Variants in FBP2 observed in about 807,000 individuals in gnomAD.
FBP2 encodes fructose-bisphosphatase 2.
A neutral mutation model predicts 31.6 loss-of-function variants in FBP2; 27 were observed. The observed-to-expected ratio is 0.85, with a 90% CI of 0.63 to 1.18. The LOEUF is 1.18. Ranked by LOEUF, FBP2 falls within the 50% of genes most tolerant of loss-of-function variation. The probability of loss-of-function intolerance (pLI) is 0.00; values close to 1 mark genes in which losing one functional copy is unlikely to be tolerated. For missense variants in FBP2, 421 were observed against 436.1 expected, an observed-to-expected ratio of 0.97 and a Z score of 0.31; for synonymous variants, 168 against 179.8, an observed-to-expected ratio of 0.93 and a Z score of 0.53.
chr9:94,560,043 T>C (rs1827074026), intron 6 of FBP2, among the ~76,000 whole-genome samples: 1 of 152,206 alleles, frequency 6.6e-6, no homozygotes, highest in South Asian at 2.1e-4. Flanking sequence ...GAGGATCAAC[T>C]GAGCCCCGGA....
chr9:94,563,122 G>A (rs779501655), intron 6 of FBP2, among the ~76,000 whole-genome samples: 1 of 152,196 alleles, frequency 6.6e-6, no homozygotes, highest in Non-Finnish European at 1.5e-5. Context: ...TAAGACCAGT[G>A]AGAATCACCA....
At chr9:94,570,873 T>C (rs1248075774) in intron 4 of FBP2, 2 of 152,250 alleles carry the variant, frequency 1.3e-5, no homozygotes, top group Non-Finnish European at 2.9e-5. Context: ...CCATCTCCGC[T>C]GTCTGGAGTG....
chr9:94,568,967 G>A (rs1457810018), intron 4 of FBP2: 1 of 152,240 alleles, frequency 6.6e-6, no homozygotes, highest in South Asian at 2.1e-4. Context: ...AACACCCCAT[G>A]GTTCCTCTGC....
At chr9:94,567,578 A>G in intron 4 of FBP2, 171 bp from the exon 5 acceptor site, 2 of 675,186 alleles carry the variant, frequency 3.0e-6, no homozygotes, top group East Asian at 2.7e-5. Context: ...TGGGAAGAAT[A>G]GGGACCATAT....
chr9:94,585,566 A>T (rs921283955), intron 2 of FBP2, among the ~76,000 whole-genome samples: 3 of 152,142 alleles, frequency 2.0e-5, no homozygotes, highest in Admixed American at 6.5e-5. Context: ...GACAGACCTG[A>T]CTAGAATTAA....
Position 94,565,190 on chromosome 9 carries a change from A to G in FBP2, c.706-1729T>C, listed in dbSNP as rs139166288. On this transcript the variant is annotated intron_variant, in intron 5 of 6. Coordinates refer to ENST00000375337, the MANE Select transcript of FBP2 (RefSeq NM_003837.4). ...GGCGTTCAAGACCAGCCTGACCAAC[A>G]TGGTGAAATCCCATCTCTACTAAAA... 2.0e-3 allele frequency among the ~76,000 whole-genome samples: 306 copies of G among 152,240 alleles called. 1 individual carries two copies. Among genetic ancestry groups the G allele is most frequent in the African/African-American group, 7.1e-3 (295 of 41,548 alleles).
chr9:94,587,944 G>A (rs1827446922), intron 1 of FBP2, among the ~76,000 whole-genome samples: 3 of 152,278 alleles, frequency 2.0e-5, no homozygotes, highest in Admixed American at 2.0e-4. Context: ...CGCCTCCTGG[G>A]CTCACGCCGT....
intron 3 of FBP2, among the ~76,000 whole-genome samples, chr9:94,573,256 C>T (rs1417920062): frequency 6.6e-6 from 1 of 152,182 alleles, no homozygotes; most frequent in Non-Finnish European, 1.5e-5. Flanking sequence ...TTCTTGTTTT[C>T]TAAGACTTTC....
intron 5 of FBP2, 36 bp from the exon 6 acceptor site, chr9:94,563,497 G>C: frequency 6.2e-7 from 1 of 1,601,794 alleles, no homozygotes; most frequent in Non-Finnish European, 8.5e-7. Flanking sequence ...AGATCCAGTG[G>C]CTTTCAGGAT....
intron 1 of FBP2, among the ~76,000 whole-genome samples, chr9:94,589,427 T>C (rs1276790194): frequency 6.6e-6 from 1 of 152,154 alleles, no homozygotes; most frequent in Non-Finnish European, 1.5e-5. Context: ...CCCTCCTCAG[T>C]GTTCACCACA....
At chr9:94,561,176 C>T (rs1827093390) in intron 6 of FBP2, among the ~76,000 whole-genome samples, 1 of 152,054 alleles carries the variant, frequency 6.6e-6, no homozygotes, top group African/African-American at 2.4e-5. Flanking sequence ...ATCAATTATC[C>T]TGTTGAGTCA....
intron 3 of FBP2, among the ~76,000 whole-genome samples, chr9:94,581,403 A>G (rs2131456358): frequency 6.6e-6 from 1 of 152,320 alleles, no homozygotes; most frequent in East Asian, 1.9e-4. Flanking sequence ...TAGATAAGTC[A>G]ATTTTGGAAG....
intron 2 of FBP2, among the ~76,000 whole-genome samples, chr9:94,586,488 GGAGA>G (rs1827429474): frequency 6.6e-6 from 1 of 152,212 alleles, no homozygotes; most frequent in Non-Finnish European, 1.5e-5. Context: ...AGATCAGACT[GGAGA>G]GAGAAACAAG....
chr9:94,588,179 T>C (rs1047290423), intron 1 of FBP2, among the ~76,000 whole-genome samples: 17 of 152,270 alleles, frequency 1.1e-4, no homozygotes, highest in African/African-American at 4.1e-4. Flanking sequence ...TCTTTGTGGA[T>C]TGTCCTCACA....
chr9:94,565,769 A>G (rs972256219), intron 5 of FBP2, among the ~76,000 whole-genome samples: 2 of 43,610 alleles, frequency 4.6e-5, no homozygotes, highest in African/African-American at 1.3e-4. Flanking sequence ...AGATACATAG[A>G]TGATAGATAG....
At chr9:94,569,576 C>G (rs533220971) in intron 4 of FBP2, 1 of 152,330 alleles carries the variant, frequency 6.6e-6, no homozygotes, top group African/African-American at 2.4e-5. Flanking sequence ...AATATTGTTT[C>G]CACAGTTTTA....
intron 3 of FBP2, among the ~76,000 whole-genome samples, chr9:94,573,307 G>A (rs994660007): frequency 6.6e-6 from 1 of 152,178 alleles, no homozygotes; most frequent in African/African-American, 2.4e-5. Flanking sequence ...TGCCCAGGGT[G>A]GAGTGCAGTG....
chr9:94,560,945 A>G (rs1185504530), intron 6 of FBP2, among the ~76,000 whole-genome samples: 4 of 151,912 alleles, frequency 2.6e-5, no homozygotes, highest in African/African-American at 9.7e-5. Flanking sequence ...CTCTTAAAGT[A>G]GTGGGTGTCC....
At chr9:94,584,765 A>G (rs2131458378) in intron 2 of FBP2, 96 bp from the exon 3 acceptor site, 1 of 742,154 alleles carries the variant, frequency 1.3e-6, no homozygotes, top group East Asian at 2.6e-5. Context: ...ACACCACATC[A>G]AAAAGAGATT....
Sources: allele counts gnomAD v4.1 joint callset (sites outside exome capture counted in the v4.1 genomes callset), GRCh38; gene constraint gnomAD v4.1.1; transcripts MANE v1.5; gene names NCBI Gene and HGNC (gene_info 2026-07-23, HGNC 2026-07-21).